Variants in ESRRG observed in about 807,000 individuals in gnomAD.
The protein encoded by ESRRG is estrogen-related receptor gamma.
Under a neutral mutation model 44.0 loss-of-function variants are expected in ESRRG, and 13 were observed. The ratio of observed to expected loss-of-function variants is 0.30; its 90% CI spans 0.19 to 0.47. The LOEUF is 0.47. Among genes scored for constraint, ESRRG ranks in the 20% least tolerant of loss-of-function variants. ESRRG has a pLI of 1.00. For synonymous variants in ESRRG, 215 were observed against 214.6 expected, an observed-to-expected ratio of 1.00 and a Z score of -0.02; for missense variants, 395 against 580.6, an observed-to-expected ratio of 0.68 and a Z score of 3.29.
intron 2 of ESRRG, among the ~76,000 whole-genome samples, chr1:216,736,799 G>T (rs1036908238): frequency 1.3e-5 from 2 of 152,040 alleles, no homozygotes; most frequent in African/African-American, 4.8e-5. Flanking sequence ...GAAACTCTGG[G>T]GTTAGATCCC....
At chr1:217,011,490 A>T (rs1398548653) in intron 1 of ESRRG, among the ~76,000 whole-genome samples, 1 of 152,148 alleles carries the variant, frequency 6.6e-6, no homozygotes, top group East Asian at 1.9e-4. Context: ...ATGGTTGCAT[A>T]CTATCCCGCT....
In ESRRG at chr1:216,788,502, A is replaced by G. The variant is rs149027614; in HGVS notation, c.-13-111011T>C. Among the ~76,000 whole-genome samples, 835 of 152,262 alleles carry G rather than the reference A, an allele frequency of 5.5e-3. 3 individuals carry two copies. The highest frequency in any genetic ancestry group is 9.4e-3 in the Non-Finnish European group (638 of 68,010). ...TTGAGGCCTTCTTAGAAAAAGCAGA[A>G]GCAAAATATTACTGCCAATTGACTA... On this transcript the variant is annotated intron_variant, in intron 2 of 7. Coordinates refer to the ESRRG transcript ENST00000359162.
rs189727789 is a variant in ESRRG at position 216,954,507 on chromosome 1, G to A, written c.-105-14834C>T. 1.4e-4 allele frequency among the ~76,000 whole-genome samples: 22 copies of A among 152,170 alleles called. No homozygotes were observed. The East Asian group carries it at 4.1e-3, about 28-fold the overall frequency. On this transcript the variant is annotated intron_variant, in intron 1 of 7. Transcript: ENST00000359162. The stretch of plus-strand genomic sequence containing the variant: ...TCTTCTAGGGAAACAAGAGCAGAGT[G>A]CATTATGCAATTTTCAATATAACGC...
chr1:216,786,063 C>G (rs2094118102), intron 2 of ESRRG, among the ~76,000 whole-genome samples: 1 of 152,002 alleles, frequency 6.6e-6, no homozygotes, highest in Non-Finnish European at 1.5e-5. Context: ...GGTCAGCCAC[C>G]AGGGAAGTGC....
intron 1 of ESRRG, among the ~76,000 whole-genome samples, chr1:217,122,595 C>T (rs2092833823): frequency 6.6e-6 from 1 of 151,878 alleles, no homozygotes; most frequent in South Asian, 2.1e-4. Flanking sequence ...TCTTCCTCCC[C>T]TAGGATCTTA....
chr1:216,803,569 A>G (rs976573546), intron 2 of ESRRG, among the ~76,000 whole-genome samples: 12 of 152,216 alleles, frequency 7.9e-5, no homozygotes, highest in African/African-American at 2.9e-4. Flanking sequence ...ATTTTTGTCT[A>G]GACATTTTTT....
rs77874337 is a variant in ESRRG at position 216,655,890 on chromosome 1, C to T, written c.473-4801G>A. Among the ~76,000 whole-genome samples, 615 of 152,220 alleles carry T rather than the reference C, an allele frequency of 4.0e-3. 7 individuals are homozygous for T. Among genetic ancestry groups the T allele is most frequent in the African/African-American group, 0.014 (584 of 41,556 alleles). ...ATGTTAGAGTCTACAGAGATTGTGC[C>T]CTTGAAAAACCTTCCCTGGTGCTTT... is the stretch of plus-strand genomic sequence containing the variant. On this transcript the variant is annotated intron_variant, in intron 2 of 6. Coordinates refer to ENST00000408911, the MANE Select transcript of ESRRG (RefSeq NM_001438.4).
In ESRRG at chr1:216,872,348, T is replaced by G. The variant is rs914068204; in HGVS notation, c.-14+67234A>C. 2.8e-4 allele frequency among the ~76,000 whole-genome samples: 42 copies of G among 152,210 alleles called. 1 individual carries two copies. The highest frequency in any genetic ancestry group is 2.9e-5 in the Non-Finnish European group (2 of 68,028). ...TGGGTTATTTTCTTTCTCCTAGTGT[T>G]GGCATTTTTTGGCCATTATTTCTTC... On this transcript the variant is annotated intron_variant, in intron 2 of 7. Coordinates refer to the ESRRG transcript ENST00000359162.
intron 1 of ESRRG, among the ~76,000 whole-genome samples, chr1:216,693,436 C>T (rs1480724226): frequency 1.3e-5 from 2 of 152,164 alleles, no homozygotes; most frequent in African/African-American, 4.8e-5. Flanking sequence ...CCAGTTTTAA[C>T]ATCCTTTTTA....
chr1:216,830,335 A>G (rs1244159692), intron 2 of ESRRG, among the ~76,000 whole-genome samples: 1 of 152,230 alleles, frequency 6.6e-6, no homozygotes, highest in African/African-American at 2.4e-5. Flanking sequence ...AGAACGAAGT[A>G]ATCCATAACT....
intron 3 of ESRRG, among the ~76,000 whole-genome samples, chr1:216,600,128 G>A (rs1343625179): frequency 6.6e-6 from 1 of 152,206 alleles, no homozygotes; most frequent in African/African-American, 2.4e-5. Context: ...TAATTAGGGA[G>A]AAACTTCTGG....
chr1:216,951,605 A>G (rs2066957916), intron 1 of ESRRG, among the ~76,000 whole-genome samples: 2 of 152,080 alleles, frequency 1.3e-5, no homozygotes, highest in Non-Finnish European at 1.5e-5. Context: ...TTTCCAGTAG[A>G]AATGAAAACT....
chr1:216,893,897 CA>C (rs2058110287), intron 2 of ESRRG, among the ~76,000 whole-genome samples: 1 of 152,098 alleles, frequency 6.6e-6, no homozygotes, highest in Non-Finnish European at 1.5e-5. Flanking sequence ...CTACAGGAAT[CA>C]AAACTAATTC....
At chr1:216,666,543 G>C (rs922469159) in intron 2 of ESRRG, among the ~76,000 whole-genome samples, 2 of 152,182 alleles carry the variant, frequency 1.3e-5, no homozygotes, top group African/African-American at 4.8e-5. Flanking sequence ...AGGAATGAAG[G>C]AAAGCTATTA....
intron 2 of ESRRG, among the ~76,000 whole-genome samples, chr1:216,741,570 A>T (rs1383196666): frequency 6.6e-6 from 1 of 151,936 alleles, no homozygotes; most frequent in African/African-American, 2.4e-5. Context: ...TCATATCTGT[A>T]TGTGATTTTA....
intron 1 of ESRRG, among the ~76,000 whole-genome samples, chr1:217,076,525 G>A (rs1044405441): frequency 2.0e-5 from 3 of 152,086 alleles, no homozygotes; most frequent in East Asian, 3.9e-4. Flanking sequence ...TCTGGTCCTC[G>A]TAGAACTCAG....
chr1:217,050,425 G>A (rs755844472), intron 1 of ESRRG, among the ~76,000 whole-genome samples: 7 of 152,166 alleles, frequency 4.6e-5, no homozygotes, highest in Non-Finnish European at 5.9e-5. Context: ...TAGGTCATTT[G>A]GGGACAACTG....
chr1:216,529,434 C>T (rs1197386836), intron 5 of ESRRG, among the ~76,000 whole-genome samples: 2 of 152,048 alleles, frequency 1.3e-5, no homozygotes, highest in Admixed American at 6.6e-5. Flanking sequence ...TGTGAATATA[C>T]ATTTTAGGAT....
intron 2 of ESRRG, among the ~76,000 whole-genome samples, chr1:216,880,548 T>G (rs1287098727): frequency 6.6e-6 from 1 of 152,136 alleles, no homozygotes; most frequent in Non-Finnish European, 1.5e-5. Flanking sequence ...TATCCAAATG[T>G]AGTTTCAACA....
Sources: gnomAD v4.1 joint callset for allele counts (sites outside exome capture counted in the v4.1 genomes callset) on GRCh38, gnomAD v4.1.1 for gene constraint, MANE v1.5 for transcripts, NCBI Gene and HGNC (gene_info 2026-07-23, HGNC 2026-07-21) for gene names.